The following FAM193B variants were observed in gnomAD, a reference collection of about 807,000 sequenced individuals.
The protein encoded by FAM193B is protein FAM193B.
In FAM193B, 27 loss-of-function variants were observed where a neutral mutation model predicts 70.7. That is an observed-to-expected ratio of 0.38 (90% CI 0.28 to 0.53). The LOEUF (loss-of-function observed/expected upper bound fraction) is 0.53, where lower values mean the gene tolerates loss of function less well. Among genes scored for constraint, FAM193B ranks in the 20% least tolerant of loss-of-function variants. The probability of loss-of-function intolerance (pLI) is 0.81; values close to 1 mark genes in which losing one functional copy is unlikely to be tolerated. For missense variants in FAM193B, 1,022 were observed against 1,072.5 expected, an observed-to-expected ratio of 0.95 and a Z score of 0.66; for synonymous variants, 448 against 436.0, an observed-to-expected ratio of 1.03 and a Z score of -0.34.
chr5:177,543,147 C>A (rs1051377450), intron 1 of FAM193B, among the ~76,000 whole-genome samples: 1 of 152,068 alleles, frequency 6.6e-6, no homozygotes, highest in African/African-American at 2.4e-5. Flanking sequence ...GTGACTCTCC[C>A]GAGAGCCAAA....
intron 5 of FAM193B, among the ~76,000 whole-genome samples, chr5:177,527,963 T>A (rs1437011951): frequency 6.6e-6 from 1 of 152,096 alleles, no homozygotes; most frequent in African/African-American, 2.4e-5. Flanking sequence ...GAGACGTGGA[T>A]GTACAGGGTG....
In FAM193B at chr5:177,524,671, G is replaced by C; in HGVS notation, c.1810C>G (p.Pro604Ala). The C allele has an allele frequency of 6.2e-7, 1 of 1,611,532 alleles. No homozygotes were observed. The highest frequency in any genetic ancestry group is 8.5e-7 in the Non-Finnish European group (1 of 1,179,046). Residue 604 changes from proline (P) to alanine (A), a missense_variant, in exon 6 of 9, where the codon CCG (proline) becomes GCG (alanine). Pro to Ala is a conservative substitution (Grantham distance 27). Transcript: ENST00000514747. Reference protein sequence around the residue: ...SRVIWVKTPKPGYPSSEEPSS... With the variant: ...SRVIWVKTPKAGYPSSEEPSS... ...GGCTCCTCGGAGCTGGGGTAGCCCG[G>C]CTTGGGTGTCTTGACCCAGATCACC...
rs115198985 is a variant in FAM193B at position 177,542,942 on chromosome 5, A to G, written c.211-3795T>C. ...GTGGGCCATGTGGTAGAGAACTCAG[A>G]TTTGCTAGGTGTCCCCATGGCAATG... On this transcript the variant is annotated intron_variant, in intron 1 of 8. Transcript: ENST00000514747. 6.2e-3 allele frequency among the ~76,000 whole-genome samples: 939 copies of G among 152,212 alleles called. 9 individuals carry two copies. Among genetic ancestry groups the G allele is most frequent in the African/African-American group, 0.022 (900 of 41,520 alleles).
rs1763598686 is a variant in FAM193B, at chr5:177,532,332, C to T, written c.1275+111G>A. 1 of 1,494,934 alleles carries T rather than the reference C, an allele frequency of 6.7e-7. No homozygotes were observed. The highest frequency in any genetic ancestry group is 8.9e-7 in the Non-Finnish European group (1 of 1,120,468). 92.6% of individuals were successfully genotyped at this position (1,494,934 alleles called of 1,614,324 possible). A position where few individuals can be genotyped will look rare whatever the true frequency, so the allele number is the denominator to read the frequency against. ...ACGCAGGTGCAAGGACTCACGGCCC[C>T]AGCACGGTAATTACCACCGTGAGCA... On this transcript the variant is annotated intron_variant, in intron 5 of 8. Coordinates refer to ENST00000514747, the MANE Select transcript of FAM193B (RefSeq NM_001190946.3). This position sits in a 1 kb window ranked among gnomAD's most constrained non-coding sequence, Gnocchi z 4.9.
At chr5:177,549,475 G>A (rs1348320716) in intron 1 of FAM193B, among the ~76,000 whole-genome samples, 1 of 152,140 alleles carries the variant, frequency 6.6e-6, no homozygotes. Context: ...TTACAGGCAT[G>A]AGCCACCGCG....
chr5:177,536,154 C>T, intron 4 of FAM193B: 1 of 593,230 alleles, frequency 1.7e-6, no homozygotes, highest in South Asian at 2.3e-5. Flanking sequence ...CTCAAGTGAT[C>T]TTCCTGCCTA....
intron 1 of FAM193B, among the ~76,000 whole-genome samples, chr5:177,539,722 T>G (rs1223938739): frequency 6.6e-6 from 1 of 152,210 alleles, no homozygotes; most frequent in Non-Finnish European, 1.5e-5. Flanking sequence ...AGAGGGAAGG[T>G]AAGGCTCTGG....
At chr5:177,533,872 C>T (rs914668276) in intron 4 of FAM193B, among the ~76,000 whole-genome samples, 2 of 152,248 alleles carry the variant, frequency 1.3e-5, no homozygotes, top group Non-Finnish European at 2.9e-5. Flanking sequence ...CTATGCAAAG[C>T]TCATATTCTC....
In FAM193B at chr5:177,521,887, C is replaced by T. The variant is rs1761800679; in HGVS notation, c.*1+87G>A. ...GCCCCAAGTCCAACTCCCTGTGCCCCAGAGCACAGAATGGTCTGGTGAGCG... is the reference window on the plus strand; with the variant it reads ...GCCCCAAGTCCAACTCCCTGTGCCCTAGAGCACAGAATGGTCTGGTGAGCG... On this transcript the variant is annotated intron_variant, in intron 8 of 8. Transcript: ENST00000514747. 12 of 1,033,628 alleles carry T rather than the reference C, an allele frequency of 1.2e-5. No homozygotes were observed. The South Asian group carries it at 1.3e-4, about 11-fold the overall frequency. The allele number at this position is 1,033,628 out of a possible 1,614,324, so 64.0% of individuals were successfully genotyped here. A position where few individuals can be genotyped will look rare whatever the true frequency, so the allele number is the denominator to read the frequency against.
In FAM193B at chr5:177,538,719, A is replaced by G. The variant is rs533456928; in HGVS notation, c.453+186T>C. The stretch of plus-strand genomic sequence containing the variant: ...CTGAGGGACTGACCGGTGGGCTGCC[A>G]GAAGTTTCTCTTCTTCCCCCAAATC... On this transcript the variant is annotated intron_variant, in intron 2 of 8. Coordinates refer to ENST00000514747, the MANE Select transcript of FAM193B (RefSeq NM_001190946.3). This position sits in a 1 kb window ranked among gnomAD's most constrained non-coding sequence, Gnocchi z 4.1. Among the ~76,000 whole-genome samples the G allele has an allele frequency of 6.6e-6, 1 of 152,250 alleles. No homozygotes were observed. Among genetic ancestry groups the G allele is most frequent in the African/African-American group, 2.4e-5 (1 of 41,556 alleles).
intron 1 of FAM193B, chr5:177,553,938 G>T (rs1346883207): frequency 5.7e-6 from 7 of 1,234,672 alleles, no homozygotes; most frequent in Non-Finnish European, 7.2e-6. Context: ...GAGCGGAGCT[G>T]CGGCCTCGGG....
intron 1 of FAM193B, chr5:177,553,138 G>A (rs1276497714): frequency 1.3e-5 from 13 of 983,636 alleles, no homozygotes; most frequent in Non-Finnish European, 1.4e-5. Flanking sequence ...GGCTTTGTGG[G>A]AAGGTACCCC....
In FAM193B at chr5:177,553,994, G is replaced by A. The variant is rs2252447; in HGVS notation, c.210+255C>T. ...CCAGTCCCAGTGTGGGTGTACGGCC[G>A]GAACGCCCGGAGGCGGCGGGGAGAG... is the stretch of plus-strand genomic sequence containing the variant. On this transcript the variant is annotated intron_variant, in intron 1 of 8. Transcript: ENST00000514747. 162 of 1,277,686 alleles carry A rather than the reference G, an allele frequency of 1.3e-4. No homozygotes were observed. In the African/African-American group the frequency reaches 2.2e-3, roughly 17 times the overall value. The allele number at this position is 1,277,686 out of a possible 1,614,324, so 79.1% of individuals were successfully genotyped here. A position where few individuals can be genotyped will look rare whatever the true frequency, so the allele number is the denominator to read the frequency against.
At chr5:177,547,286 C>CTTTTTTTTTTTTTTT (rs35063787) in intron 1 of FAM193B, 5 of 89,414 alleles carry the variant, frequency 5.6e-5, no homozygotes, top group African/African-American at 1.4e-4. Flanking sequence ...AAATTTATTT[C>CTTTTTTTTTTTTTTT]TTTTTTTTTT....
intron 5 of FAM193B, among the ~76,000 whole-genome samples, chr5:177,529,309 C>T (rs1436158922): frequency 6.6e-6 from 1 of 151,786 alleles, no homozygotes; most frequent in Admixed American, 6.6e-5. Context: ...TGAGCTCTTT[C>T]CATTTCCTGA....
chr5:177,531,452 G>T, intron 5 of FAM193B: 1 of 1,362,526 alleles, frequency 7.3e-7, no homozygotes, highest in Non-Finnish European at 9.8e-7. Flanking sequence ...TCCTCTTTCC[G>T]CCTGGTCAGC....
chr5:177,532,638 A>T lies in FAM193B; in HGVS notation c.1080T>A (p.Asp360Glu). The change falls in exon 5 of 9, where the codon GAT (aspartate) becomes GAA (glutamate). Residue 360 changes from aspartate (D) to glutamate (E), a missense_variant. Transcript: ENST00000514747. This position sits in a 1 kb window ranked among gnomAD's most constrained non-coding sequence, Gnocchi z 4.9. ...SSQPLPSTHR[D>E]PGCKGHKFAH... ...CAAACTTGTGCCCCTTGCACCCGGGATCCCTGATGATGGGGAGGAAGGCCC... is the reference window on the plus strand; with the variant it reads ...CAAACTTGTGCCCCTTGCACCCGGGTTCCCTGATGATGGGGAGGAAGGCCC... 6.5e-7 allele frequency: 1 copy of T among 1,536,538 alleles called. No homozygotes were observed. The highest frequency in any genetic ancestry group is 8.7e-7 in the Non-Finnish European group (1 of 1,150,042).
intron 1 of FAM193B, chr5:177,547,217 T>G (rs559747171): frequency 2.6e-5 from 4 of 152,098 alleles, no homozygotes; most frequent in African/African-American, 9.6e-5. Context: ...TTAGTTTCTT[T>G]CCTCTTCTGC....
At chr5:177,548,797 C>T (rs1765797627) in intron 1 of FAM193B, among the ~76,000 whole-genome samples, 1 of 152,168 alleles carries the variant, frequency 6.6e-6, no homozygotes, top group Admixed American at 6.5e-5. Flanking sequence ...TATTGAAGCA[C>T]ATCACGTTCT....
Sources: gnomAD v4.1 joint callset for allele counts (sites outside exome capture counted in the v4.1 genomes callset) on GRCh38, gnomAD v4.1.1 for gene constraint, Gnocchi (gnomAD v3.1) non-coding constraint, MANE v1.5 for transcripts, NCBI Gene and HGNC (gene_info 2026-07-23, HGNC 2026-07-21) for gene names.